Variants in NOL4 observed in about 807,000 individuals in gnomAD.
The protein encoded by NOL4 is nucleolar protein 4, also known as cancer/testis antigen 125.
NOL4 carries 17 observed loss-of-function variants against 75.9 expected under a neutral mutation model. That is an observed-to-expected ratio of 0.22 (90% CI 0.15 to 0.34). The LOEUF (loss-of-function observed/expected upper bound fraction) is 0.34. Ranked by LOEUF, NOL4 falls within the 10% of genes least tolerant of loss-of-function variation. NOL4 has a pLI of 1.00. For synonymous variants in NOL4, 292 were observed against 289.9 expected, an observed-to-expected ratio of 1.01 and a Z score of -0.07; for missense variants, 614 against 793.5, an observed-to-expected ratio of 0.77 and a Z score of 2.72.
intron 2 of NOL4, among the ~76,000 whole-genome samples, chr18:34,110,431 AG>A (rs2145737923): frequency 6.6e-6 from 1 of 152,292 alleles, no homozygotes; most frequent in African/African-American, 2.4e-5. Context: ...GAAGGATAAA[AG>A]TAATATAATC....
chr18:33,974,699 A>G (rs1272046877), intron 6 of NOL4, among the ~76,000 whole-genome samples: 1 of 152,116 alleles, frequency 6.6e-6, no homozygotes, highest in Non-Finnish European at 1.5e-5. Flanking sequence ...AGCACATGCT[A>G]TTAGAAGAAT....
intron 6 of NOL4, among the ~76,000 whole-genome samples, chr18:33,993,440 G>A (rs1396405255): frequency 6.6e-6 from 1 of 151,888 alleles, no homozygotes; most frequent in African/African-American, 2.4e-5. Context: ...AATCAAGAAA[G>A]TCACTAACCA....
intron 2 of NOL4, among the ~76,000 whole-genome samples, chr18:34,124,452 T>A (rs1475311225): frequency 6.6e-6 from 1 of 152,188 alleles, no homozygotes. Flanking sequence ...CCAACATTTT[T>A]AAATATTTTG....
At chr18:34,094,759 C>T (rs928353312) in intron 4 of NOL4, among the ~76,000 whole-genome samples, 2 of 152,164 alleles carry the variant, frequency 1.3e-5, no homozygotes, top group Non-Finnish European at 2.9e-5. Flanking sequence ...TTATGTTGCA[C>T]ACGTTGTTCT....
chr18:34,174,645 T>C (rs2033369389), intron 1 of NOL4, among the ~76,000 whole-genome samples: 1 of 152,076 alleles, frequency 6.6e-6, no homozygotes, highest in South Asian at 2.1e-4. Flanking sequence ...GTCACCTACA[T>C]TAGGTACTTC....
intron 10 of NOL4, among the ~76,000 whole-genome samples, chr18:33,867,150 G>C (rs1208456558): frequency 3.3e-5 from 5 of 152,086 alleles, no homozygotes; most frequent in Non-Finnish European, 7.4e-5. Context: ...TTAATTGTTT[G>C]CCTAAATTCA....
At chr18:34,209,940 A>G (rs1432176748) in intron 1 of NOL4, among the ~76,000 whole-genome samples, 1 of 152,180 alleles carries the variant, frequency 6.6e-6, no homozygotes, top group Non-Finnish European at 1.5e-5. Context: ...TCAAGACAAT[A>G]GATTATTCTA....
intron 6 of NOL4, among the ~76,000 whole-genome samples, chr18:33,965,070 T>C (rs924336163): frequency 2.6e-5 from 4 of 152,214 alleles, no homozygotes; most frequent in African/African-American, 9.6e-5. Context: ...TATTAATTTT[T>C]GTTAGATGTA....
intron 6 of NOL4, among the ~76,000 whole-genome samples, chr18:33,967,297 A>G (rs965287797): frequency 6.6e-6 from 1 of 152,172 alleles, no homozygotes; most frequent in Non-Finnish European, 1.5e-5. Context: ...AAACTGGACC[A>G]CTACCTATCA....
chr18:34,135,427 G>A (rs559754877), intron 1 of NOL4, among the ~76,000 whole-genome samples: 1 of 152,148 alleles, frequency 6.6e-6, no homozygotes, highest in African/African-American at 2.4e-5. Context: ...AGCGGGGTGC[G>A]GTGGCTCGTG....
At chr18:34,012,563 T>A (rs757455602) in intron 6 of NOL4, among the ~76,000 whole-genome samples, 3 of 152,002 alleles carry the variant, frequency 2.0e-5, no homozygotes, top group Admixed American at 2.0e-4. Context: ...AGATGCTGTT[T>A]TAAATTGGTA....
chr18:34,139,456 TA>T (rs576461714), intron 1 of NOL4, among the ~76,000 whole-genome samples: 158 of 152,330 alleles, frequency 1.0e-3, no homozygotes, highest in African/African-American at 3.6e-3. Context: ...TTTTCTAGTT[TA>T]TTTGCATAGA....
Position 33,922,025 on chromosome 18 carries a change from G to A in NOL4, c.1542+21040C>T, listed in dbSNP as rs138085649. ...ATAAATATGTAACCCAATCATATGG[G>A]GAAGATGGAAGGCTGGAGCTGCTGC... On this transcript the variant is annotated intron_variant, in intron 9 of 10. Coordinates refer to ENST00000261592, the MANE Select transcript of NOL4 (RefSeq NM_003787.5). Among the ~76,000 whole-genome samples the A allele has an allele frequency of 4.7e-3, 709 of 152,240 alleles. 8 individuals are homozygous for A. Among genetic ancestry groups the A allele is most frequent in the Middle Eastern group, 3.4e-3 (1 of 294 alleles).
intron 8 of NOL4, among the ~76,000 whole-genome samples, chr18:33,947,981 C>T (rs1469170915): frequency 2.0e-5 from 3 of 151,910 alleles, no homozygotes. Context: ...AACAAACTTC[C>T]ATTTTTGTGG....
chr18:34,080,835 T>G (rs2077976842), intron 5 of NOL4, among the ~76,000 whole-genome samples: 1 of 152,210 alleles, frequency 6.6e-6, no homozygotes, highest in Non-Finnish European at 1.5e-5. Context: ...GGTTTAGCTT[T>G]GAAATGGGAA....
intron 9 of NOL4, among the ~76,000 whole-genome samples, chr18:33,941,537 T>C (rs575407431): frequency 5.9e-5 from 9 of 151,884 alleles, no homozygotes; most frequent in African/African-American, 2.2e-4. Flanking sequence ...CTGATATCAA[T>C]ACAATGACAA....
chr18:33,983,575 A>G (rs2072166114), intron 6 of NOL4, among the ~76,000 whole-genome samples: 1 of 150,866 alleles, frequency 6.6e-6, no homozygotes, highest in Admixed American at 6.6e-5. Context: ...GTGTATGTAT[A>G]AATATATATA....
At chr18:34,200,147 AACT>A (rs768192340) in intron 1 of NOL4, among the ~76,000 whole-genome samples, 25 of 151,940 alleles carry the variant, frequency 1.6e-4, no homozygotes, top group Non-Finnish European at 3.0e-4. Context: ...TGGAGAAGAA[AACT>A]ACTACTATGA....
At chr18:34,191,487 GTATCATCATGA>G (rs1461942891) in intron 1 of NOL4, among the ~76,000 whole-genome samples, 5 of 151,988 alleles carry the variant, frequency 3.3e-5, no homozygotes, top group African/African-American at 1.2e-4. Flanking sequence ...AGTCAAGAAG[GTATCATCATGA>G]CCCATGTAAG....
Sources: allele counts gnomAD v4.1 joint callset (sites outside exome capture counted in the v4.1 genomes callset), GRCh38; gene constraint gnomAD v4.1.1; transcripts MANE v1.5; gene names NCBI Gene and HGNC (gene_info 2026-07-23, HGNC 2026-07-21).